Variants in LPAR3 observed in about 807,000 individuals in gnomAD.
LPAR3 encodes LPA receptor 3.
A neutral mutation model predicts 17.8 loss-of-function variants in LPAR3; 7 were observed. The observed-to-expected ratio is 0.39, with a 90% CI of 0.22 to 0.74. The LOEUF (loss-of-function observed/expected upper bound fraction) is 0.74, where lower values mean the gene tolerates loss of function less well. LPAR3 is among the 30% of genes least tolerant of loss of function. The probability of loss-of-function intolerance (pLI) is 0.40; values close to 1 mark genes in which losing one functional copy is unlikely to be tolerated. For missense variants in LPAR3, 391 were observed against 453.4 expected (o/e 0.86, Z 1.25); for synonymous variants, 179 against 179.9 (o/e 0.99, Z 0.04).
At chr1:84,836,928 T>C (rs1659416233) in intron 2 of LPAR3, among the ~76,000 whole-genome samples, 1 of 152,212 alleles carries the variant, frequency 6.6e-6, no homozygotes, top group South Asian at 2.1e-4. Context: ...ATATACATTG[T>C]ATAATGATCC....
intron 2 of LPAR3, among the ~76,000 whole-genome samples, chr1:84,860,859 C>T (rs987717261): frequency 6.6e-6 from 1 of 151,718 alleles, no homozygotes; most frequent in Non-Finnish European, 1.5e-5. Context: ...CTGCCTCAGC[C>T]TCCTGAGTAG....
At chr1:84,854,858 G>T (rs1570885573) in intron 2 of LPAR3, among the ~76,000 whole-genome samples, 1 of 152,230 alleles carries the variant, frequency 6.6e-6, no homozygotes, top group East Asian at 1.9e-4. Flanking sequence ...CCCACTAGAA[G>T]AAGCAGGAAC....
intron 2 of LPAR3, among the ~76,000 whole-genome samples, chr1:84,835,040 T>A (rs1470885410): frequency 6.6e-6 from 1 of 152,216 alleles, no homozygotes; most frequent in Non-Finnish European, 1.5e-5. Context: ...CAGGTAACAA[T>A]TCTTAAAATG....
Position 84,812,486 on chromosome 1 carries a change from A to G in LPAR3, c.*1360T>C, listed in dbSNP as rs1259148396. On this transcript the variant is annotated 3_prime_UTR_variant, in exon 3 of 3. Transcript: ENST00000370611. ...TGCTCTGTCACCCAGACTAGAGTGCAGTGCTGCGATCTTGGCTCACTCTGC... is the reference window on the plus strand; with the variant it reads ...TGCTCTGTCACCCAGACTAGAGTGCGGTGCTGCGATCTTGGCTCACTCTGC... 2 of 126,236 alleles carry G rather than the reference A, an allele frequency of 1.6e-5. No homozygotes were observed. Among genetic ancestry groups the G allele is most frequent in the African/African-American group, 3.2e-5 (1 of 31,744 alleles). The allele number at this position is 126,236 out of a possible 1,614,324, so 7.8% of individuals were successfully genotyped here.
chr1:84,886,994 AC>A (rs1660473150), intron 1 of LPAR3, among the ~76,000 whole-genome samples: 1 of 152,158 alleles, frequency 6.6e-6, no homozygotes, highest in Admixed American at 6.5e-5. Flanking sequence ...CTTAGTAAAA[AC>A]ATAACAGAAA....
chr1:84,849,096 G>A lies in LPAR3; in HGVS notation c.736+16289C>T, dbSNP rs1382283928. On this transcript the variant is annotated intron_variant, in intron 2 of 2. Transcript: ENST00000370611. ...TATTTAACTTGTATAAAAAGTTCTGGCTGGGCACAGTGGCTCACGCCTATA... is the reference window on the plus strand; with the variant it reads ...TATTTAACTTGTATAAAAAGTTCTGACTGGGCACAGTGGCTCACGCCTATA... Among the ~76,000 whole-genome samples the A allele has an allele frequency of 5.3e-5, 8 of 152,156 alleles. No homozygotes were observed. In the South Asian group the frequency reaches 1.7e-3, roughly 32 times the overall value.
intron 2 of LPAR3, 112 bp from the exon 3 acceptor site, chr1:84,814,283 T>C: frequency 1.2e-6 from 1 of 845,146 alleles, no homozygotes; most frequent in Middle Eastern, 3.6e-4. Flanking sequence ...ATGATTTGTT[T>C]TGACAACTGC....
intron 2 of LPAR3, among the ~76,000 whole-genome samples, chr1:84,834,919 G>A (rs1213562966): frequency 6.6e-6 from 1 of 152,152 alleles, no homozygotes; most frequent in Admixed American, 6.6e-5. Context: ...CCACTGCAGA[G>A]GAGCTCCGAT....
At chr1:84,880,287 T>C (rs1570906047) in intron 1 of LPAR3, among the ~76,000 whole-genome samples, 1 of 152,222 alleles carries the variant, frequency 6.6e-6, no homozygotes, top group Non-Finnish European at 1.5e-5. Flanking sequence ...GGCTGCTCCT[T>C]GCAGCTTTTA....
chr1:84,878,228 G>A (rs1178733212), intron 1 of LPAR3, among the ~76,000 whole-genome samples: 1 of 151,902 alleles, frequency 6.6e-6, no homozygotes, highest in Non-Finnish European at 1.5e-5. Context: ...TCTGTTTACA[G>A]TCCTTATTTT....
intron 2 of LPAR3, among the ~76,000 whole-genome samples, chr1:84,830,129 G>A (rs756418599): frequency 4.6e-5 from 7 of 152,216 alleles, no homozygotes; most frequent in Non-Finnish European, 8.8e-5. Context: ...AGGGAGAAAA[G>A]TTCTTGGTCA....
intron 2 of LPAR3, among the ~76,000 whole-genome samples, chr1:84,842,693 A>G (rs2102755202): frequency 6.6e-6 from 1 of 152,326 alleles, no homozygotes; most frequent in East Asian, 1.9e-4. Context: ...TTCTTTATGT[A>G]GGCAAATAAG....
intron 2 of LPAR3, among the ~76,000 whole-genome samples, chr1:84,864,894 TCTC>T (rs1660009201): frequency 6.6e-6 from 1 of 151,930 alleles, no homozygotes; most frequent in African/African-American, 2.4e-5. Context: ...GACCTCATCT[TCTC>T]CTACTCCCTC....
chr1:84,819,877 A>G (rs762488207), intron 2 of LPAR3, among the ~76,000 whole-genome samples: 11 of 151,984 alleles, frequency 7.2e-5, no homozygotes, highest in Non-Finnish European at 1.3e-4. Flanking sequence ...CATCTCTTCC[A>G]CCACAGTGTC....
rs141988205 is a variant in LPAR3, at chr1:84,816,545, T to A, written c.737-2374A>T. 4.2e-3 allele frequency among the ~76,000 whole-genome samples: 644 copies of A among 152,268 alleles called. 8 individuals are homozygous for A. Among genetic ancestry groups the A allele is most frequent in the Middle Eastern group, 0.027 (8 of 294 alleles). ...TGGGCGTGGTGGCTCACATCTATAA[T>A]TCCAGCACTTTGGGAGGCTGAGGTG... On this transcript the variant is annotated intron_variant, in intron 2 of 2. Transcript: ENST00000370611.
chr1:84,818,985 C>G (rs535875211), intron 2 of LPAR3, among the ~76,000 whole-genome samples: 24 of 151,170 alleles, frequency 1.6e-4, no homozygotes, highest in Non-Finnish European at 2.7e-4. Context: ...TTTTCATTTC[C>G]TTTGGTTTCA....
At chr1:84,828,711 CT>C (rs1659217771) in intron 2 of LPAR3, among the ~76,000 whole-genome samples, 1 of 152,174 alleles carries the variant, frequency 6.6e-6, no homozygotes, top group Non-Finnish European at 1.5e-5. Context: ...TCTTTATACA[CT>C]TTTCTTCATT....
At chr1:84,864,537 C>A (rs1660002910) in intron 2 of LPAR3, among the ~76,000 whole-genome samples, 1 of 152,296 alleles carries the variant, frequency 6.6e-6, no homozygotes, top group African/African-American at 2.4e-5. Context: ...CAGATCATGT[C>A]ACTCCCCTGT....
chr1:84,884,547 T>A (rs1248580494), intron 1 of LPAR3, among the ~76,000 whole-genome samples: 1 of 152,218 alleles, frequency 6.6e-6, no homozygotes, highest in Non-Finnish European at 1.5e-5. Flanking sequence ...AAACTCTAAA[T>A]GCATCATAGA....
Sources: gnomAD v4.1 joint callset for allele counts (sites outside exome capture counted in the v4.1 genomes callset) on GRCh38, gnomAD v4.1.1 for gene constraint, MANE v1.5 for transcripts, NCBI Gene and HGNC (gene_info 2026-07-23, HGNC 2026-07-21) for gene names.